The following VIRMA variants were observed in gnomAD, a reference collection of about 807,000 sequenced individuals.
VIRMA encodes the protein vir like m6A methyltransferase associated.
VIRMA carries 65 observed loss-of-function variants against 182.4 expected under a neutral mutation model. The ratio of observed to expected loss-of-function variants is 0.36; its 90% CI spans 0.29 to 0.44. The LOEUF (loss-of-function observed/expected upper bound fraction) is 0.44. Among genes scored for constraint, VIRMA ranks in the 20% least tolerant of loss-of-function variants. VIRMA has a pLI of 1.00. For missense variants in VIRMA, 1,752 were observed against 2,158.1 expected, an observed-to-expected ratio of 0.81 and a Z score of 3.73; for synonymous variants, 709 against 743.1, an observed-to-expected ratio of 0.95 and a Z score of 0.75.
intron 8 of VIRMA, among the ~76,000 whole-genome samples, chr8:94,522,313 G>C (rs1218064147): frequency 1.3e-5 from 2 of 152,170 alleles, no homozygotes; most frequent in East Asian, 3.9e-4. Flanking sequence ...AATTAGGCAG[G>C]CACTATGTGA....
chr8:94,507,962 CATATGTGTATATATGTAT>C (rs148527145), intron 15 of VIRMA, among the ~76,000 whole-genome samples: 3,553 of 147,044 alleles, frequency 0.024, 189 homozygotes, highest in African/African-American at 0.084. Context: ...TATGTATATA[CATATGTGTATATATGTAT>C]ATATGTGTAT....
At chr8:94,499,269 G>A (rs559893458) in intron 17 of VIRMA, 105 bp downstream of exon 17, 14 of 766,984 alleles carry the variant, frequency 1.8e-5, no homozygotes, top group East Asian at 3.0e-5. Flanking sequence ...CCAGAGTGCT[G>A]AGATTACAGA....
intron 16 of VIRMA, 84 bp downstream of exon 16, chr8:94,506,416 G>A (rs1320866117): frequency 8.5e-6 from 7 of 819,092 alleles, no homozygotes; most frequent in Non-Finnish European, 9.5e-6. Flanking sequence ...TTCTACAATA[G>A]GTATGAATTA....
At chr8:94,507,157 C>T (rs1466534274) in intron 15 of VIRMA, among the ~76,000 whole-genome samples, 8 of 140,822 alleles carry the variant, frequency 5.7e-5, no homozygotes, top group African/African-American at 7.9e-5. Flanking sequence ...TTTTTTGAGA[C>T]GGAGTTTCAC....
intron 2 of VIRMA, 151 bp from the exon 3 acceptor site, chr8:94,538,497 G>A: frequency 1.8e-6 from 1 of 569,228 alleles, no homozygotes; most frequent in Non-Finnish European, 3.1e-6. Context: ...AGTTAACTAT[G>A]ATATTGTATG....
At chr8:94,539,442 T>G (rs2130379887) in intron 2 of VIRMA, among the ~76,000 whole-genome samples, 1 of 152,300 alleles carries the variant, frequency 6.6e-6, no homozygotes, top group Admixed American at 6.5e-5. Flanking sequence ...TTACTACACT[T>G]TATGTAAAAG....
rs1249791172 is a variant in VIRMA at position 94,487,943 on chromosome 8, T to C, written c.*763A>G. 6.6e-6 allele frequency: 1 copy of C among 152,234 alleles called. No homozygotes were observed. Among genetic ancestry groups the C allele is most frequent in the African/African-American group, 2.4e-5 (1 of 41,460 alleles). The allele number at this position is 152,234 out of a possible 1,614,324, so 9.4% of individuals were successfully genotyped here. A position where few individuals can be genotyped will look rare whatever the true frequency, so the allele number is the denominator to read the frequency against. On this transcript the variant is annotated 3_prime_UTR_variant, in exon 24 of 24. Transcript: ENST00000297591. ...TGAAATGCAAAGTTCAGATTTCTAATACAAAGGAGAGGAGTATTTTGTTTC... is the reference window on the plus strand; with the variant it reads ...TGAAATGCAAAGTTCAGATTTCTAACACAAAGGAGAGGAGTATTTTGTTTC...
chr8:94,495,015 T>G (rs1251925360), intron 19 of VIRMA, 59 bp from the exon 20 acceptor site: 1 of 1,232,242 alleles, frequency 8.1e-7, no homozygotes, highest in East Asian at 2.3e-5. Flanking sequence ...TTCAATTTTT[T>G]TTTTTTGAGA....
chr8:94,519,760 C>T lies in VIRMA; in HGVS notation c.2022-284G>A, dbSNP rs750794275. ...AATTTTGGGCCTTCTTTCCAGGACA[C>T]TTATCAAATGCTCCTTTTTCACCAT... On this transcript the variant is annotated intron_variant, in intron 8 of 23. Transcript: ENST00000297591. 5.9e-5 allele frequency among the ~76,000 whole-genome samples: 9 copies of T among 152,276 alleles called. No homozygotes were observed. In the East Asian group the frequency reaches 1.4e-3, roughly 23 times the overall value.
At chr8:94,514,106 A>C (rs1814467716) in intron 11 of VIRMA, among the ~76,000 whole-genome samples, 2 of 152,002 alleles carry the variant, frequency 1.3e-5, no homozygotes, top group Middle Eastern at 3.4e-3. Context: ...CACACACGCA[A>C]ACACACGTGC....
At chr8:94,521,702 T>TA (rs1814776365) in intron 8 of VIRMA, among the ~76,000 whole-genome samples, 1 of 152,212 alleles carries the variant, frequency 6.6e-6, no homozygotes, top group African/African-American at 2.4e-5. Flanking sequence ...GGCCAGAACT[T>TA]AATTTTGTCA....
At position 94,508,733 on chromosome 8, in the gene VIRMA, C is replaced by T. The variant is rs548810933; in HGVS notation, c.3879+955G>A. Among the ~76,000 whole-genome samples, 7 of 150,822 alleles carry T rather than the reference C, an allele frequency of 4.6e-5. No individual in the cohort carries two copies. The East Asian group carries it at 1.4e-3, about 30-fold the overall frequency. On this transcript the variant is annotated intron_variant, in intron 15 of 23. Coordinates refer to ENST00000297591, the MANE Select transcript of VIRMA (RefSeq NM_015496.5). ...AAAAAAGTTCTTTCTTGACCTGAGT[C>T]TTAAATGTAACCAAACTGAATATTT... is the stretch of plus-strand genomic sequence containing the variant.
intron 17 of VIRMA, chr8:94,497,219 T>C (rs1463790562): frequency 6.6e-6 from 1 of 152,048 alleles, no homozygotes; most frequent in Non-Finnish European, 1.5e-5. Context: ...TTGCATCTCA[T>C]CCTCCCAAGT....
In VIRMA at chr8:94,534,866, G is replaced by T; in HGVS notation, c.457C>A (p.Pro153Thr). 2 of 1,596,368 alleles carry T rather than the reference G, an allele frequency of 1.3e-6. No homozygotes were observed. The highest frequency in any genetic ancestry group is 1.7e-6 in the Non-Finnish European group (2 of 1,170,334). Residue 153 changes from proline (P) to threonine (T), a missense_variant, in exon 5 of 24, where the codon CCA becomes ACA. By Grantham distance (38) the Pro-to-Thr change is conservative. Transcript: ENST00000297591. ...PPPPPPPQPQ[P>T]SLKRNPKHAD... ...TGTTTTGGATTCCTTTTCAAACTTG[G>T]TTGTGGCTGGGGAGGTGGTGGCGGT... is the stretch of plus-strand genomic sequence containing the variant.
intron 13 of VIRMA, 109 bp downstream of exon 13, chr8:94,511,076 T>C: frequency 2.0e-6 from 3 of 1,467,152 alleles, no homozygotes; most frequent in Non-Finnish European, 9.0e-7. Context: ...ATTTTATGTC[T>C]TTTTGGGAGG....
At chr8:94,505,022 T>C (rs1363790670) in intron 16 of VIRMA, among the ~76,000 whole-genome samples, 1 of 152,182 alleles carries the variant, frequency 6.6e-6, no homozygotes, top group African/African-American at 2.4e-5. Flanking sequence ...GGAAAGCTTT[T>C]TGGCTTTTTT....
chr8:94,488,084 C>G lies in VIRMA; in HGVS notation c.*622G>C, dbSNP rs1813502333. 6.6e-6 allele frequency: 1 copy of G among 152,322 alleles called. No individual in the cohort carries two copies. Among genetic ancestry groups the G allele is most frequent in the Non-Finnish European group, 1.5e-5 (1 of 68,034 alleles). 9.4% of individuals were successfully genotyped at this position (152,322 alleles called of 1,614,324 possible). A position where few individuals can be genotyped will look rare whatever the true frequency, so the allele number is the denominator to read the frequency against. The stretch of plus-strand genomic sequence containing the variant: ...AAACATAGCAACACCTGTTGGACAT[C>G]ACATAAACTACTACTTTGAGGTAGT... On this transcript the variant is annotated 3_prime_UTR_variant, in exon 24 of 24. Coordinates refer to ENST00000297591, the MANE Select transcript of VIRMA (RefSeq NM_015496.5).
Position 94,518,971 on chromosome 8 carries a change from A to G in VIRMA, c.2513+14T>C. On this transcript the variant is annotated intron_variant, in intron 9 of 23. Transcript: ENST00000297591. ...TAACATCATAGAAAATTTAAGGAGTAAGTAGGAAATTACCCCAAGGCTTCT... is the reference window on the plus strand; with the variant it reads ...TAACATCATAGAAAATTTAAGGAGTGAGTAGGAAATTACCCCAAGGCTTCT... 1 of 1,573,866 alleles carries G rather than the reference A, an allele frequency of 6.4e-7. No homozygotes were observed. The highest frequency in any genetic ancestry group is 1.2e-5 in the South Asian group (1 of 84,650).
chr8:94,491,139 A>C (rs576041002), intron 22 of VIRMA, among the ~76,000 whole-genome samples: 5,585 of 131,792 alleles, frequency 0.042, 231 homozygotes, highest in East Asian at 0.11. Flanking sequence ...CACGGCGAAA[A>C]CCCATCTCTA....
Sources: gnomAD v4.1 joint callset for allele counts (sites outside exome capture counted in the v4.1 genomes callset) on GRCh38, gnomAD v4.1.1 for gene constraint, MANE v1.5 for transcripts, NCBI Gene and HGNC (gene_info 2026-07-23, HGNC 2026-07-21) for gene names.